Variants in USP32 observed in about 807,000 individuals in gnomAD.
The protein encoded by USP32 is ubiquitin carboxyl-terminal hydrolase 32.
USP32 carries 59 observed loss-of-function variants against 204.8 expected under a neutral mutation model. The observed-to-expected ratio is 0.29, with a 90% CI of 0.23 to 0.36. USP32 has a LOEUF of 0.36. Ranked by LOEUF, USP32 falls within the 10% of genes least tolerant of loss-of-function variation. The pLI, the probability that USP32 is intolerant of heterozygous loss-of-function variation, is 1.00. For synonymous variants in USP32, 517 were observed against 678.4 expected (o/e 0.76, Z 3.70); for missense variants, 1,160 against 1,946.4 (o/e 0.60, Z 7.60).
At chr17:60,313,266 G>C (rs747935735) in intron 2 of USP32, among the ~76,000 whole-genome samples, 25 of 149,894 alleles carry the variant, frequency 1.7e-4, no homozygotes, top group Non-Finnish European at 1.5e-4. Flanking sequence ...ATAAAATAAA[G>C]TAAGATTAAA....
At chr17:60,302,105 T>TTTTG (rs565431502) in intron 2 of USP32, among the ~76,000 whole-genome samples, 4 of 125,534 alleles carry the variant, frequency 3.2e-5, no homozygotes, top group African/African-American at 1.2e-4. Flanking sequence ...TATATAAATA[T>TTTTG]TTTGTTTGTT....
At chr17:60,333,954 C>A (rs1309946674) in intron 2 of USP32, among the ~76,000 whole-genome samples, 1 of 152,138 alleles carries the variant, frequency 6.6e-6, no homozygotes, top group Admixed American at 6.6e-5. Flanking sequence ...TCCAGGATCA[C>A]AAGTGGCACT....
intron 2 of USP32, among the ~76,000 whole-genome samples, 197 bp downstream of exon 2, chr17:60,345,284 A>G (rs1353842717): frequency 6.6e-6 from 1 of 152,240 alleles, no homozygotes; most frequent in African/African-American, 2.4e-5. Context: ...AAACAGAATT[A>G]CAGCTCTGTA....
chr17:60,224,503 C>G (rs8073075), intron 13 of USP32, among the ~76,000 whole-genome samples: 30,069 of 152,180 alleles, frequency 0.2, 7,202 homozygotes, highest in African/African-American at 0.57. Flanking sequence ...TAATAACACA[C>G]GCCAGGAGGA....
At chr17:60,187,040 C>T (rs1236444542) in intron 29 of USP32, among the ~76,000 whole-genome samples, 1 of 152,206 alleles carries the variant, frequency 6.6e-6, no homozygotes, top group Non-Finnish European at 1.5e-5. Flanking sequence ...GTCCATCACC[C>T]ACCCTATTTA....
chr17:60,341,961 G>A (rs1011348904), intron 2 of USP32, among the ~76,000 whole-genome samples: 7 of 152,148 alleles, frequency 4.6e-5, no homozygotes, highest in African/African-American at 1.4e-4. Context: ...GAGGAGCTGC[G>A]ATCCTTTGGA....
intron 1 of USP32, among the ~76,000 whole-genome samples, chr17:60,357,760 T>C (rs1269354971): frequency 6.6e-6 from 1 of 152,100 alleles, no homozygotes; most frequent in Non-Finnish European, 1.5e-5. Context: ...TCTCAAGCAT[T>C]GGCATTTAGA....
intron 2 of USP32, among the ~76,000 whole-genome samples, chr17:60,306,679 G>C (rs2145906571): frequency 6.6e-6 from 1 of 152,084 alleles, no homozygotes; most frequent in Middle Eastern, 3.4e-3. Context: ...AAAAGGAAAG[G>C]CCAGAGCAAT....
intron 1 of USP32, chr17:60,421,665 C>A: frequency 1.1e-6 from 1 of 914,406 alleles, no homozygotes; most frequent in Non-Finnish European, 1.3e-6. Flanking sequence ...GCTGCTGCCG[C>A]GCCAGGGGCG....
chr17:60,333,592 C>G lies in USP32; in HGVS notation c.186+11889G>C, dbSNP rs191229886. Among the ~76,000 whole-genome samples the G allele has an allele frequency of 4.0e-5, 6 of 148,778 alleles. 1 individual carries two copies. The East Asian group carries it at 1.2e-3, about 30-fold the overall frequency. ...TCCACCTGGGTGACAGACTGAGACT[C>G]CATCTCAAAAACAAAAAATAAATAA... On this transcript the variant is annotated intron_variant, in intron 2 of 33. Coordinates refer to ENST00000300896, the MANE Select transcript of USP32 (RefSeq NM_032582.4).
At chr17:60,310,114 G>A (rs974911267) in intron 2 of USP32, among the ~76,000 whole-genome samples, 2 of 152,054 alleles carry the variant, frequency 1.3e-5, no homozygotes, top group African/African-American at 4.8e-5. Context: ...GTGGAGAAAG[G>A]GAAACTCTTG....
intron 27 of USP32, among the ~76,000 whole-genome samples, chr17:60,195,134 C>T (rs113708729): frequency 1.3e-5 from 2 of 152,112 alleles, no homozygotes; most frequent in Non-Finnish European, 2.9e-5. Context: ...TTTTAATGTC[C>T]GAAGGACATA....
chr17:60,338,145 G>A (rs1331969332), intron 2 of USP32, among the ~76,000 whole-genome samples: 1 of 151,668 alleles, frequency 6.6e-6, no homozygotes, highest in Non-Finnish European at 1.5e-5. Flanking sequence ...GCAACATGGC[G>A]AAACTGCATC....
At position 60,385,307 on chromosome 17, in the gene USP32, T is replaced by C. The variant is rs187009682; in HGVS notation, c.58+6575A>G. Among the ~76,000 whole-genome samples the C allele has an allele frequency of 7.2e-5, 11 of 152,326 alleles. No individual in the cohort carries two copies. In the East Asian group the frequency reaches 1.7e-3, roughly 24 times the overall value. ...CATCCCTATCTCCCTTCGCTGACTT[T>C]CTTTTTGGACTCAGCCCGCCTGCAC... On this transcript the variant is annotated intron_variant, in intron 1 of 33. Coordinates refer to ENST00000300896, the MANE Select transcript of USP32 (RefSeq NM_032582.4).
At chr17:60,212,380 AT>A (rs2084994150) in intron 18 of USP32, among the ~76,000 whole-genome samples, 1 of 152,256 alleles carries the variant, frequency 6.6e-6, no homozygotes. Flanking sequence ...ATGTTACTGC[AT>A]TGAATACTGT....
At chr17:60,333,386 G>A (rs1424087737) in intron 2 of USP32, among the ~76,000 whole-genome samples, 1 of 152,146 alleles carries the variant, frequency 6.6e-6, no homozygotes, top group Non-Finnish European at 1.5e-5. Flanking sequence ...ATCACTTGAG[G>A]TCAGGAGTTT....
At chr17:60,210,269 T>C (rs2084926783) in intron 21 of USP32, among the ~76,000 whole-genome samples, 1 of 152,134 alleles carries the variant, frequency 6.6e-6, no homozygotes, top group Non-Finnish European at 1.5e-5. Flanking sequence ...CTGATATTAA[T>C]ATAAAACTTA....
At position 60,209,553 on chromosome 17, in the gene USP32, T is replaced by C. The variant is rs985090261; in HGVS notation, c.2425-10A>G. 7 of 1,557,276 alleles carry C rather than the reference T, an allele frequency of 4.5e-6. No individual in the cohort carries two copies. The highest frequency in any genetic ancestry group is 2.2e-5 in the Admixed American group (1 of 44,840). ...ATTTTGCTATGGTCCACTATAAATA[T>C]AAGAGAAGTCACAGTCATTATTTCC... On this transcript the variant is annotated splice_polypyrimidine_tract_variant and intron_variant, in intron 21 of 33. Coordinates refer to ENST00000300896, the MANE Select transcript of USP32 (RefSeq NM_032582.4).
intron 2 of USP32, among the ~76,000 whole-genome samples, chr17:60,325,388 A>G (rs939957577): frequency 7.2e-5 from 11 of 152,300 alleles, no homozygotes; most frequent in African/African-American, 2.6e-4. Context: ...ACTGCACTTC[A>G]GCCTGGGTGA....
Sources: gnomAD v4.1 joint callset for allele counts (sites outside exome capture counted in the v4.1 genomes callset) on GRCh38, gnomAD v4.1.1 for gene constraint, MANE v1.5 for transcripts, NCBI Gene and HGNC (gene_info 2026-07-23, HGNC 2026-07-21) for gene names.